RTN1: variants seen among roughly 807,000 people sequenced by gnomAD.
The protein encoded by RTN1 is reticulon-1.
Under a neutral mutation model 65.5 loss-of-function variants are expected in RTN1, and 25 were observed. The ratio of observed to expected loss-of-function variants is 0.38; its 90% CI spans 0.28 to 0.53. RTN1 has a LOEUF of 0.53. Ranked by LOEUF, RTN1 falls within the 20% of genes least tolerant of loss-of-function variation. RTN1 has a pLI of 0.79. For missense variants in RTN1, 983 were observed against 1,025.4 expected, an observed-to-expected ratio of 0.96 and a Z score of 0.57; for synonymous variants, 471 against 447.6, an observed-to-expected ratio of 1.05 and a Z score of -0.66.
At chr14:59,833,291 C>G (rs1030974885) in intron 1 of RTN1, among the ~76,000 whole-genome samples, 2 of 152,196 alleles carry the variant, frequency 1.3e-5, no homozygotes, top group Admixed American at 6.5e-5. Flanking sequence ...AGAAACAGCT[C>G]ATAACTCAGA....
Position 59,596,647 on chromosome 14 carries a change from A to AG in RTN1, c.*97dup. On this transcript the variant is annotated 3_prime_UTR_variant, in exon 9 of 9. Transcript: ENST00000267484. The stretch of plus-strand genomic sequence containing the variant: ...TCTCTAAGATTATGGTACTGGAGGG[A>AG]GGGGGGAAAGACAATCAATTTGCAG... 1.1e-6 allele frequency: 1 copy of AG among 916,614 alleles called. No homozygotes were observed. The highest frequency in any genetic ancestry group is 1.8e-6 in the Non-Finnish European group (1 of 547,388). 56.8% of individuals were successfully genotyped at this position (916,614 alleles called of 1,614,324 possible).
chr14:59,775,809 T>C (rs904458048), intron 1 of RTN1, among the ~76,000 whole-genome samples: 6 of 152,166 alleles, frequency 3.9e-5, no homozygotes, highest in Non-Finnish European at 7.3e-5. Context: ...GGTCATCTGA[T>C]TTGTTAAAAA....
intron 1 of RTN1, among the ~76,000 whole-genome samples, chr14:59,753,578 T>G (rs73313733): frequency 6.6e-6 from 1 of 152,160 alleles, no homozygotes; most frequent in Non-Finnish European, 1.5e-5. Context: ...ATGCATGATA[T>G]GGTGCCTATC....
At chr14:59,687,522 G>C (rs1883872715) in intron 3 of RTN1, among the ~76,000 whole-genome samples, 1 of 151,756 alleles carries the variant, frequency 6.6e-6, no homozygotes, top group South Asian at 2.1e-4. Context: ...TTCCTGTGCA[G>C]AGATCCTGGT....
At chr14:59,826,513 A>ATTTACAT (rs1887033644) in intron 1 of RTN1, among the ~76,000 whole-genome samples, 1 of 152,192 alleles carries the variant, frequency 6.6e-6, no homozygotes, top group Non-Finnish European at 1.5e-5. Context: ...CATTTACAGA[A>ATTTACAT]GCTCATTGGA....
chr14:59,832,070 AC>A (rs1887134079), intron 1 of RTN1, among the ~76,000 whole-genome samples: 1 of 150,954 alleles, frequency 6.6e-6, no homozygotes, highest in Non-Finnish European at 1.5e-5. Flanking sequence ...GTCATTAAAC[AC>A]CTCCCCCAAC....
At chr14:59,827,307 T>C (rs917610679) in intron 1 of RTN1, among the ~76,000 whole-genome samples, 18 of 152,298 alleles carry the variant, frequency 1.2e-4, no homozygotes, top group Admixed American at 2.0e-4. Context: ...CTCAATCTCC[T>C]GACCTCGTGA....
At chr14:59,643,704 C>T (rs374078421) in intron 3 of RTN1, among the ~76,000 whole-genome samples, 1 of 152,134 alleles carries the variant, frequency 6.6e-6, no homozygotes, top group East Asian at 1.9e-4. Context: ...AGCTATATAC[C>T]ATGGAAAAGA....
intron 2 of RTN1, among the ~76,000 whole-genome samples, chr14:59,728,497 T>C (rs1412260569): frequency 6.6e-6 from 1 of 152,100 alleles, no homozygotes; most frequent in Non-Finnish European, 1.5e-5. Flanking sequence ...TTTATCCAGA[T>C]GGCCTAAAGG....
chr14:59,853,755 T>C (rs1887551330), intron 1 of RTN1, among the ~76,000 whole-genome samples: 1 of 152,142 alleles, frequency 6.6e-6, no homozygotes, highest in Admixed American at 6.5e-5. Flanking sequence ...CCCTGTTTTT[T>C]CTCTATTTAT....
intron 1 of RTN1, among the ~76,000 whole-genome samples, chr14:59,826,426 A>C (rs1887031993): frequency 1.3e-5 from 2 of 152,180 alleles, no homozygotes; most frequent in Non-Finnish European, 2.9e-5. Context: ...ATTGTCCTGG[A>C]TTCCAGTGAG....
At chr14:59,696,285 C>T (rs913994827) in intron 3 of RTN1, among the ~76,000 whole-genome samples, 3 of 152,180 alleles carry the variant, frequency 2.0e-5, no homozygotes, top group Admixed American at 2.0e-4. Context: ...ACACTCTCAA[C>T]TAAATGAATG....
chr14:59,778,022 T>C (rs1481009676), intron 1 of RTN1, among the ~76,000 whole-genome samples: 1 of 152,106 alleles, frequency 6.6e-6, no homozygotes, highest in East Asian at 1.9e-4. Flanking sequence ...CTGAATGTGC[T>C]GTTTTCTAAT....
At chr14:59,773,547 C>T (rs1271407704) in intron 1 of RTN1, among the ~76,000 whole-genome samples, 1 of 152,014 alleles carries the variant, frequency 6.6e-6, no homozygotes, top group East Asian at 1.9e-4. Context: ...TTCCATTAAG[C>T]CTTTAAGTAT....
intron 3 of RTN1, among the ~76,000 whole-genome samples, chr14:59,670,623 G>A (rs1883481886): frequency 1.4e-5 from 2 of 146,886 alleles, no homozygotes; most frequent in South Asian, 4.4e-4. Context: ...GACCAATTCG[G>A]CACATGTTTT....
chr14:59,750,066 T>G (rs1357560414), intron 1 of RTN1, among the ~76,000 whole-genome samples: 1 of 34,910 alleles, frequency 2.9e-5, no homozygotes, highest in Non-Finnish European at 4.8e-5. Flanking sequence ...ATACATATAT[T>G]ATATATTATA....
intron 3 of RTN1, among the ~76,000 whole-genome samples, chr14:59,696,841 C>T (rs1362825013): frequency 6.6e-6 from 1 of 152,104 alleles, no homozygotes; most frequent in African/African-American, 2.4e-5. Flanking sequence ...GGTCCCTAAA[C>T]TCCAAATTTA....
At position 59,849,122 on chromosome 14, in the gene RTN1, T is replaced by C. The variant is rs1479169477; in HGVS notation, c.241+21268A>G. Among the ~76,000 whole-genome samples the C allele has an allele frequency of 6.6e-6, 1 of 152,220 alleles. No individual in the cohort carries two copies. Among genetic ancestry groups the C allele is most frequent in the Non-Finnish European group, 1.5e-5 (1 of 68,044 alleles). Reference sequence around the variant, plus strand: ...TTGGAAACAATAGAATTATGCAAATTAGTTGTCACCCCTACTTAGATTAAC... The same window carrying C: ...TTGGAAACAATAGAATTATGCAAATCAGTTGTCACCCCTACTTAGATTAAC... On this transcript the variant is annotated intron_variant, in intron 1 of 8. Transcript: ENST00000267484. The surrounding 1 kb of genome is among the most constrained non-coding windows in gnomAD (Gnocchi z 4.5).
At position 59,697,044 on chromosome 14, in the gene RTN1, ATT is replaced by A. The variant is rs145099628; in HGVS notation, c.1765+29873_1765+29874del. ...ATGTTATTCACCCTTCTAGAGTCTC[ATT>A]TTTTTTTGTCCACTTGTCTCTTCAG... On this transcript the variant is annotated intron_variant, in intron 3 of 8. Transcript: ENST00000267484. 2.8e-3 allele frequency among the ~76,000 whole-genome samples: 429 copies of A among 151,160 alleles called. 6 individuals carry two copies. Among genetic ancestry groups the A allele is most frequent in the Admixed American group, 0.026 (391 of 15,160 alleles).
Sources: gnomAD v4.1 joint callset for allele counts (sites outside exome capture counted in the v4.1 genomes callset) on GRCh38, gnomAD v4.1.1 for gene constraint, Gnocchi (gnomAD v3.1) non-coding constraint, MANE v1.5 for transcripts, NCBI Gene and HGNC (gene_info 2026-07-23, HGNC 2026-07-21) for gene names.